ZRANB3: variants seen among roughly 807,000 people sequenced by gnomAD.
The protein encoded by ZRANB3 is DNA annealing helicase and endonuclease ZRANB3.
ZRANB3 carries 125 observed loss-of-function variants against 133.8 expected under a neutral mutation model. The observed-to-expected ratio is 0.93, with a 90% CI of 0.81 to 1.08. The LOEUF (loss-of-function observed/expected upper bound fraction) is 1.08, where lower values mean the gene tolerates loss of function less well. ZRANB3 is among the 50% of genes least tolerant of loss of function. The probability of loss-of-function intolerance (pLI) is 0.00; values close to 1 mark genes in which losing one functional copy is unlikely to be tolerated. For missense variants in ZRANB3, 1,229 were observed against 1,275.5 expected, an observed-to-expected ratio of 0.96 and a Z score of 0.56; for synonymous variants, 387 against 432.7, an observed-to-expected ratio of 0.89 and a Z score of 1.31.
At chr2:135,405,130 C>T (rs1234709586) in intron 2 of ZRANB3, among the ~76,000 whole-genome samples, 1 of 151,390 alleles carries the variant, frequency 6.6e-6, no homozygotes, top group Non-Finnish European at 1.5e-5. Context: ...GGAAGATCTA[C>T]CAAGCAAATG....
intron 12 of ZRANB3, among the ~76,000 whole-genome samples, chr2:135,262,787 A>AC (rs1411964855): frequency 2.0e-5 from 3 of 151,964 alleles, no homozygotes; most frequent in Admixed American, 2.0e-4. Flanking sequence ...TCTTTTAAAA[A>AC]AATAAGAATT....
Position 135,353,481 on chromosome 2 carries a change from T to C in ZRANB3, c.328A>G (p.Ile110Val). ...TCAGTTTTATTCTGAATAACATTGA[T>C]TTCTTCTGGACTTAGCTCTGGGATC... ...KWIPELSPEE[I>V]NVIQNKTDVR... Residue 110 changes from isoleucine to valine, a missense_variant, in exon 4 of 21, where the codon ATC becomes GTC. Transcript: ENST00000264159. 4 of 1,600,534 alleles carry C rather than the reference T, an allele frequency of 2.5e-6. No individual in the cohort carries two copies. Among genetic ancestry groups the C allele is most frequent in the Non-Finnish European group, 3.4e-6 (4 of 1,174,892 alleles).
intron 17 of ZRANB3, among the ~76,000 whole-genome samples, chr2:135,214,696 A>G (rs188388294): frequency 3.7e-4 from 57 of 152,326 alleles, no homozygotes; most frequent in South Asian, 6.2e-4. Context: ...GCGTGTGTGC[A>G]CTTATGTGTA....
At chr2:135,469,258 C>T (rs1009463397) in intron 2 of ZRANB3, among the ~76,000 whole-genome samples, 30 of 152,032 alleles carry the variant, frequency 2.0e-4, no homozygotes, top group Admixed American at 1.9e-3. Flanking sequence ...CACACACACA[C>T]ACACACACAC....
intron 1 of ZRANB3, among the ~76,000 whole-genome samples, chr2:135,520,086 T>C (rs1693865773): frequency 6.9e-6 from 1 of 145,114 alleles, no homozygotes; most frequent in Non-Finnish European, 1.5e-5. Context: ...TAAATTCTTT[T>C]TTTTTTTTTT....
chr2:135,293,169 T>A (rs1558893079), intron 8 of ZRANB3, among the ~76,000 whole-genome samples: 1 of 152,220 alleles, frequency 6.6e-6, no homozygotes, highest in Non-Finnish European at 1.5e-5. Flanking sequence ...GCATTGAATC[T>A]ATAAATTACC....
At chr2:135,514,832 A>C (rs1693633913) in intron 1 of ZRANB3, among the ~76,000 whole-genome samples, 1 of 151,828 alleles carries the variant, frequency 6.6e-6, no homozygotes, top group Non-Finnish European at 1.5e-5. Context: ...GTTTATTGAC[A>C]GTTTTTTTTA....
At chr2:135,332,573 T>G (rs1202842858) in intron 6 of ZRANB3, among the ~76,000 whole-genome samples, 1 of 152,168 alleles carries the variant, frequency 6.6e-6, no homozygotes, top group African/African-American at 2.4e-5. Context: ...AAATGCTTCT[T>G]AAAACATGGC....
chr2:135,480,775 C>T (rs937149836), intron 2 of ZRANB3, among the ~76,000 whole-genome samples: 2 of 118,808 alleles, frequency 1.7e-5, no homozygotes, highest in Admixed American at 9.4e-5. Flanking sequence ...TCCCCCCACC[C>T]GACAACAGTC....
intron 3 of ZRANB3, among the ~76,000 whole-genome samples, chr2:135,370,777 C>A (rs546420876): frequency 6.6e-6 from 1 of 152,310 alleles, no homozygotes; most frequent in East Asian, 1.9e-4. Flanking sequence ...TCTGTGTCCC[C>A]ACCCAAATCT....
intron 2 of ZRANB3, among the ~76,000 whole-genome samples, chr2:135,432,365 A>G (rs1024922159): frequency 6.6e-6 from 1 of 152,248 alleles, no homozygotes; most frequent in African/African-American, 2.4e-5. Flanking sequence ...ATAAAACATT[A>G]CATGAAAATG....
At chr2:135,291,325 GGC>G (rs1475488222) in intron 8 of ZRANB3, among the ~76,000 whole-genome samples, 5 of 151,918 alleles carry the variant, frequency 3.3e-5, no homozygotes, top group African/African-American at 1.2e-4. Context: ...TAGTATTACT[GGC>G]GTGTGCCACC....
At chr2:135,478,948 T>C (rs1206479974) in intron 2 of ZRANB3, among the ~76,000 whole-genome samples, 1 of 151,974 alleles carries the variant, frequency 6.6e-6, no homozygotes, top group Admixed American at 6.6e-5. Flanking sequence ...CATACTTATA[T>C]ATGTTATATA....
chr2:135,403,287 TG>T (rs1371885973), intron 2 of ZRANB3, among the ~76,000 whole-genome samples: 1 of 152,048 alleles, frequency 6.6e-6, no homozygotes, highest in Non-Finnish European at 1.5e-5. Flanking sequence ...TCTTAGCAAA[TG>T]GCACACCAGG....
intron 2 of ZRANB3, among the ~76,000 whole-genome samples, chr2:135,479,270 T>C (rs1298344711): frequency 6.6e-5 from 10 of 152,234 alleles, no homozygotes; most frequent in Admixed American, 6.5e-4. Context: ...AGAAGGGTAC[T>C]TTCAGATAAA....
intron 3 of ZRANB3, among the ~76,000 whole-genome samples, chr2:135,369,035 T>C (rs1686059374): frequency 6.6e-6 from 1 of 151,516 alleles, no homozygotes; most frequent in Non-Finnish European, 1.5e-5. Context: ...TTTGGAGGGG[T>C]GAAAATAAAA....
intron 2 of ZRANB3, among the ~76,000 whole-genome samples, chr2:135,410,085 C>T (rs1688233519): frequency 6.6e-6 from 1 of 152,132 alleles, no homozygotes; most frequent in South Asian, 2.1e-4. Context: ...AGATTCAATG[C>T]TATTCCTATC....
At chr2:135,527,923 C>T (rs1214545770) in intron 1 of ZRANB3, among the ~76,000 whole-genome samples, 6 of 152,154 alleles carry the variant, frequency 3.9e-5, no homozygotes, top group African/African-American at 1.4e-4. Context: ...ACGTACATGG[C>T]AAAAGATGGC....
intron 12 of ZRANB3, among the ~76,000 whole-genome samples, chr2:135,263,824 G>A (rs188913650): frequency 5.4e-4 from 82 of 151,794 alleles, no homozygotes; most frequent in Non-Finnish European, 8.8e-4. Context: ...CACCCAGGCT[G>A]GAGTGCAGTG....
Sources: gnomAD v4.1 joint callset for allele counts (sites outside exome capture counted in the v4.1 genomes callset) on GRCh38, gnomAD v4.1.1 for gene constraint, MANE v1.5 for transcripts, NCBI Gene and HGNC (gene_info 2026-07-23, HGNC 2026-07-21) for gene names.